Variants in LIMK1 observed in about 807,000 individuals in gnomAD.
LIMK1 encodes the protein LIM domain kinase 1.
LIMK1 carries 21 observed loss-of-function variants against 77.6 expected under a neutral mutation model. The ratio of observed to expected loss-of-function variants is 0.27; its 90% CI spans 0.19 to 0.39. The LOEUF (loss-of-function observed/expected upper bound fraction) is 0.39, where lower values mean the gene tolerates loss of function less well. LIMK1 is among the 10% of genes least tolerant of loss of function. The pLI is 1.00. For missense variants in LIMK1, 696 were observed against 901.6 expected, an observed-to-expected ratio of 0.77 and a Z score of 2.92; for synonymous variants, 358 against 370.0, an observed-to-expected ratio of 0.97 and a Z score of 0.37.
At chr7:74,093,367 C>T in intron 2 of LIMK1, 1 of 1,522,658 alleles carries the variant, frequency 6.6e-7, no homozygotes, top group South Asian at 1.2e-5. Context: ...AGGCCTGGGG[C>T]TGGAAGCCGA....
chr7:74,120,577 A>T lies in LIMK1; in HGVS notation c.1568-6A>T, dbSNP rs1026540432. 4 of 1,614,018 alleles carry T rather than the reference A, an allele frequency of 2.5e-6. No individual in the cohort carries two copies. In the African/African-American group the frequency reaches 5.3e-5, roughly 22 times the overall value. On this transcript the variant is annotated splice_region_variant and splice_polypyrimidine_tract_variant and intron_variant, in intron 13 of 15. Coordinates refer to ENST00000336180, the MANE Select transcript of LIMK1 (RefSeq NM_002314.4). Reference sequence around the variant, plus strand: ...TCATCTGCTGACAGTCGGTCTCTTTATCCAGGCCGCAGCTATGATGAGAAG... The same window carrying T: ...TCATCTGCTGACAGTCGGTCTCTTTTTCCAGGCCGCAGCTATGATGAGAAG...
In LIMK1 at chr7:74,121,145, C is replaced by A; in HGVS notation, c.1788C>A (p.Ser596=). 1.2e-6 allele frequency: 2 copies of A among 1,613,328 alleles called. No homozygotes were observed. Among genetic ancestry groups the A allele is most frequent in the Non-Finnish European group, 1.7e-6 (2 of 1,179,554 alleles). The change falls in exon 16 of 16, where the codon TCC becomes TCA. Residue 596 remains serine (S), a synonymous_variant. Transcript: ENST00000336180. ...CCDLDPEKRP[S]FVKLEHWLET... ...CCACCCACCTGTCACCCAGGCCATC[C>A]TTTGTGAAGCTGGAACACTGGCTGG...
In LIMK1 at chr7:74,107,881, G is replaced by A. The variant is rs1306498956; in HGVS notation, c.1076G>A (p.Arg359His). The A allele has an allele frequency of 1.2e-5, 19 of 1,571,360 alleles. No homozygotes were observed. In the Middle Eastern group the frequency reaches 5.0e-4, roughly 41 times the overall value. Residue 359 changes from arginine to histidine, a missense_variant, in exon 9 of 16, where the codon CGT becomes CAT. By Grantham distance (29) the Arg-to-His change is conservative. Coordinates refer to ENST00000336180, the MANE Select transcript of LIMK1 (RefSeq NM_002314.4). ...GTGTCCCACACGCAGGTGACACACC[G>A]TGAGACAGGTGAGGTGATGGTGATG... ...CFGQAIKVTH[R>H]ETGEVMVMKE...
intron 2 of LIMK1, among the ~76,000 whole-genome samples, chr7:74,095,395 G>A (rs922319753): frequency 6.6e-6 from 1 of 152,140 alleles, no homozygotes; most frequent in African/African-American, 2.4e-5. Flanking sequence ...GGTTCACTGG[G>A]GCACCCGCAT....
chr7:74,119,573 G>C (rs1799891031), intron 13 of LIMK1, among the ~76,000 whole-genome samples: 1 of 151,896 alleles, frequency 6.6e-6, no homozygotes, highest in Non-Finnish European at 1.5e-5. Context: ...TCAGTTTCCT[G>C]AGGTTGCTGT....
At chr7:74,115,542 C>G in intron 12 of LIMK1, 1 of 429,330 alleles carries the variant, frequency 2.3e-6, no homozygotes, top group Non-Finnish European at 4.2e-6. Context: ...GTCTGGGGAG[C>G]AGGTGGGGAG....
chr7:74,105,895 G>A lies in LIMK1; in HGVS notation c.629G>A (p.Ser210Asn). The change falls in exon 6 of 16, where the codon AGC (serine) becomes AAC (asparagine). Residue 210 changes from serine to asparagine, a missense_variant. This residue lies in a region of LIMK1 where 252 missense variants were observed against 279.4 expected (regional missense o/e 0.90). Coordinates refer to ENST00000336180, the MANE Select transcript of LIMK1 (RefSeq NM_002314.4). ...RVQGVDPGCM[S>N]PDVKNSIHVG... ...CACAGAGTGGATCCGGGCTGCATGA[G>A]CCCAGATGTGAAGAATTCCATCCAC... 1 of 1,613,840 alleles carries A rather than the reference G, an allele frequency of 6.2e-7. No homozygotes were observed. The highest frequency in any genetic ancestry group is 1.1e-5 in the South Asian group (1 of 91,068).
At chr7:74,106,480 G>A (rs1401478392) in intron 7 of LIMK1, among the ~76,000 whole-genome samples, 2 of 152,364 alleles carry the variant, frequency 1.3e-5, no homozygotes, top group South Asian at 4.1e-4. Context: ...CGGGGACGGG[G>A]CCAGGCGTGG....
At position 74,121,698 on chromosome 7, in the gene LIMK1, A is replaced by G. The variant is rs190141424; in HGVS notation, c.*397A>G. 8.3e-4 allele frequency: 160 copies of G among 192,496 alleles called. No homozygotes were observed. The highest frequency in any genetic ancestry group is 6.3e-3 in the Middle Eastern group (3 of 474). 11.9% of individuals were successfully genotyped at this position (192,496 alleles called of 1,614,324 possible). A position where few individuals can be genotyped will look rare whatever the true frequency, so the allele number is the denominator to read the frequency against. On this transcript the variant is annotated 3_prime_UTR_variant, in exon 16 of 16. Coordinates refer to ENST00000336180, the MANE Select transcript of LIMK1 (RefSeq NM_002314.4). ...TGGGCCAGGAGGCAGCCTCCGAACC[A>G]TGCCCCATATAACGCTTGGGTGCGT...
At chr7:74,114,120 G>A (rs1336403669) in intron 12 of LIMK1, among the ~76,000 whole-genome samples, 28 of 151,860 alleles carry the variant, frequency 1.8e-4, no homozygotes, top group Non-Finnish European at 5.9e-5. Flanking sequence ...CGTGGTGGTG[G>A]GTGCCTGTAG....
intron 5 of LIMK1, among the ~76,000 whole-genome samples, chr7:74,104,945 A>G (rs1799537955): frequency 6.6e-6 from 1 of 152,134 alleles, no homozygotes; most frequent in African/African-American, 2.4e-5. Flanking sequence ...GCAATGACTC[A>G]TGTCTGTAAT....
intron 12 of LIMK1, among the ~76,000 whole-genome samples, chr7:74,112,658 T>C (rs770194231): frequency 1.3e-5 from 2 of 151,998 alleles, no homozygotes; most frequent in Non-Finnish European, 2.9e-5. Flanking sequence ...ACCCCATCTC[T>C]ACTAAAAATA....
Position 74,119,823 on chromosome 7 carries a change from G to A in LIMK1, c.1568-760G>A, listed in dbSNP as rs201882268. On this transcript the variant is annotated intron_variant, in intron 13 of 15. Coordinates refer to ENST00000336180, the MANE Select transcript of LIMK1 (RefSeq NM_002314.4). The stretch of plus-strand genomic sequence containing the variant: ...CTCGGGAAATTGAGGCAGGAGAATC[G>A]CTTGAACCCAGGAGGCAGAGGTTGC... Among the ~76,000 whole-genome samples, 76 of 152,104 alleles carry A rather than the reference G, an allele frequency of 5.0e-4. No homozygotes were observed. The East Asian group carries it at 0.014, about 28-fold the overall frequency.
intron 8 of LIMK1, among the ~76,000 whole-genome samples, chr7:74,107,478 T>G (rs1554697848): frequency 6.6e-6 from 1 of 152,104 alleles, no homozygotes; most frequent in Admixed American, 6.6e-5. Flanking sequence ...GTAGGATCGC[T>G]TGAGCCCAGG....
chr7:74,112,586 G>A (rs1799723263), intron 12 of LIMK1, among the ~76,000 whole-genome samples: 1 of 151,960 alleles, frequency 6.6e-6, no homozygotes, highest in Non-Finnish European at 1.5e-5. Flanking sequence ...AGGCCGAGGT[G>A]GGTGGATCAC....
intron 1 of LIMK1, 39 bp downstream of exon 1, chr7:74,084,084 G>C: frequency 2.4e-6 from 3 of 1,269,754 alleles, no homozygotes; most frequent in Non-Finnish European, 3.2e-6. Context: ...GGCCTGGAGG[G>C]GGTGCCCGGG....
chr7:74,116,721 A>G (rs1334707433), intron 13 of LIMK1, among the ~76,000 whole-genome samples: 2 of 142,228 alleles, frequency 1.4e-5, no homozygotes, highest in African/African-American at 5.2e-5. Flanking sequence ...TTTCTTTTTT[A>G]AAGAGGGTCT....
At chr7:74,090,080 AACTC>A (rs1554694576) in intron 2 of LIMK1, among the ~76,000 whole-genome samples, 5 of 152,028 alleles carry the variant, frequency 3.3e-5, no homozygotes, top group Non-Finnish European at 1.5e-5. Context: ...GGTGTAGTGA[AACTC>A]AAGAAGGAAG....
chr7:74,090,699 T>C (rs758993191), intron 2 of LIMK1, among the ~76,000 whole-genome samples: 22 of 152,100 alleles, frequency 1.4e-4, no homozygotes, highest in Non-Finnish European at 3.1e-4. Flanking sequence ...CCTCTGAAGG[T>C]GTTCGGGCAG....
Sources: allele counts gnomAD v4.1 joint callset (sites outside exome capture counted in the v4.1 genomes callset), GRCh38; gene constraint gnomAD v4.1.1; regional missense constraint gnomAD v4.1.1; transcripts MANE v1.5; gene names NCBI Gene and HGNC (gene_info 2026-07-23, HGNC 2026-07-21).